ECM2: variants seen among roughly 807,000 people sequenced by gnomAD.
The protein encoded by ECM2 is extracellular matrix protein 2, female organ and adipocyte specific.
Under a neutral mutation model 67.5 loss-of-function variants are expected in ECM2, and 57 were observed. The ratio of observed to expected loss-of-function variants is 0.84; its 90% CI spans 0.68 to 1.05. The LOEUF (loss-of-function observed/expected upper bound fraction) is 1.05, where lower values mean the gene tolerates loss of function less well. Ranked by LOEUF, ECM2 falls within the 50% of genes least tolerant of loss-of-function variation. The pLI is 0.00. For missense variants in ECM2, 741 were observed against 822.8 expected (o/e 0.90, Z 1.22); for synonymous variants, 258 against 294.5 (o/e 0.88, Z 1.27).
Position 92,495,723 on chromosome 9 carries a change from A to G in ECM2, c.*592T>C. 1 of 925,874 alleles carries G rather than the reference A, an allele frequency of 1.1e-6. No individual in the cohort carries two copies. Among genetic ancestry groups the G allele is most frequent in the South Asian group, 5.0e-5 (1 of 19,998 alleles). 57.4% of individuals were successfully genotyped at this position (925,874 alleles called of 1,614,324 possible). A position where few individuals can be genotyped will look rare whatever the true frequency, so the allele number is the denominator to read the frequency against. On this transcript the variant is annotated 3_prime_UTR_variant, in exon 10 of 10. Transcript: ENST00000344604. ...TGTACATAACCATAATATGATTTTC[A>G]AAACCAGGAAATTAACATTACAGTA...
chr9:92,537,036 A>T (rs1250119206), upstream of ECM2, among the ~76,000 whole-genome samples: 1 of 151,340 alleles, frequency 6.6e-6, no homozygotes, highest in African/African-American at 2.4e-5. Context: ...TGCCAGATTA[A>T]TTTTTGTATT....
chr9:92,534,018 G>A (rs1282344422), intron 1 of ECM2, among the ~76,000 whole-genome samples: 1 of 152,002 alleles, frequency 6.6e-6, no homozygotes, highest in African/African-American at 2.4e-5. Flanking sequence ...GCTGTTTAAT[G>A]TATCCTTCTT....
At chr9:92,536,923 G>A (rs1344104983), upstream of ECM2, among the ~76,000 whole-genome samples, 1 of 148,104 alleles carries the variant, frequency 6.8e-6, no homozygotes, top group Non-Finnish European at 1.5e-5. Flanking sequence ...AGGCTAGAGT[G>A]CAATGTCGTG....
chr9:92,533,035 A>G (rs1167929595), intron 1 of ECM2, among the ~76,000 whole-genome samples: 6 of 151,916 alleles, frequency 3.9e-5, no homozygotes, highest in Admixed American at 3.3e-4. Flanking sequence ...GCGGTGGCTC[A>G]AGTCTGTAAT....
At chr9:92,533,303 C>CAAACAA (rs1223222898) in intron 1 of ECM2, among the ~76,000 whole-genome samples, 12 of 29,872 alleles carry the variant, frequency 4.0e-4, no homozygotes, top group Admixed American at 5.8e-4. Flanking sequence ...CGGTCTCAAA[C>CAAACAA]AAAAAAAAAA....
intron 1 of ECM2, among the ~76,000 whole-genome samples, chr9:92,530,525 A>G (rs1848681482): frequency 6.6e-6 from 1 of 152,296 alleles, no homozygotes; most frequent in East Asian, 1.9e-4. Flanking sequence ...CTATTAACCT[A>G]TTTGTTCAAA....
At chr9:92,504,495 G>T (rs539406252) in intron 7 of ECM2, among the ~76,000 whole-genome samples, 16 of 152,268 alleles carry the variant, frequency 1.1e-4, no homozygotes, top group African/African-American at 3.9e-4. Context: ...CTGCCAGTAT[G>T]TATAGACTCT....
chr9:92,493,930 G>T (rs556104845), downstream of ECM2: 8 of 559,774 alleles, frequency 1.4e-5, no homozygotes, highest in African/African-American at 1.5e-4. Flanking sequence ...CACAGGCACC[G>T]GTCTGGATCT....
Position 92,510,030 on chromosome 9 carries a change from A to G in ECM2, c.1175T>C (p.Leu392Pro). The part of the protein sequence containing the change: ...SGIGPKAFKL[L>P]KKLMRLNMDG... ...CATATTCAAACGCATTAACTTCTTCAGAAGCTTAAAAAGCAAATCTCAAAG... is the reference window on the plus strand; with the variant it reads ...CATATTCAAACGCATTAACTTCTTCGGAAGCTTAAAAAGCAAATCTCAAAG... Residue 392 changes from leucine (L) to proline (P), a missense_variant, in exon 6 of 10, where the codon CTG (leucine) becomes CCG (proline). By Grantham distance (98) the Leu-to-Pro change is moderately conservative. Transcript: ENST00000344604. 6.3e-7 allele frequency: 1 copy of G among 1,591,038 alleles called. No homozygotes were observed. Among genetic ancestry groups the G allele is most frequent in the Admixed American group, 1.9e-5 (1 of 51,988 alleles).
At chr9:92,500,593 A>G (rs191625644) in intron 9 of ECM2, 134 bp downstream of exon 9, 1 of 830,762 alleles carries the variant, frequency 1.2e-6, no homozygotes, top group Non-Finnish European at 1.9e-6. Flanking sequence ...ACATTTGCCA[A>G]TCTTGTTTAA....
intron 1 of ECM2, among the ~76,000 whole-genome samples, chr9:92,532,829 T>C (rs553702528): frequency 6.6e-6 from 1 of 152,244 alleles, no homozygotes; most frequent in Admixed American, 6.5e-5. Context: ...GTCTCTTATT[T>C]CTTTAGGTTT....
At chr9:92,535,784 A>G (rs1849133376) in intron 1 of ECM2, 149 bp downstream of exon 1, 1 of 262,826 alleles carries the variant, frequency 3.8e-6, no homozygotes, top group Non-Finnish European at 7.4e-6. Context: ...CGTGAAAAAA[A>G]CAAACAGAAT....
chr9:92,524,292 C>T (rs1182750708), intron 1 of ECM2, among the ~76,000 whole-genome samples: 1 of 152,118 alleles, frequency 6.6e-6, no homozygotes, highest in African/African-American at 2.4e-5. Flanking sequence ...ATTAGCTGGT[C>T]TCAGGGTTAG....
At chr9:92,494,371 T>A (rs1003899675), downstream of ECM2, among the ~76,000 whole-genome samples, 4 of 152,240 alleles carry the variant, frequency 2.6e-5, no homozygotes, top group African/African-American at 9.6e-5. Flanking sequence ...TGTGTAACCC[T>A]ATCTTCTTGT....
chr9:92,541,087 C>A (rs1407324436), upstream of ECM2, among the ~76,000 whole-genome samples: 3 of 151,842 alleles, frequency 2.0e-5, no homozygotes, highest in Non-Finnish European at 4.4e-5. Flanking sequence ...TGGTGAAACC[C>A]CATCTCTACT....
At chr9:92,551,897 C>A in the ECM2 span, among the ~76,000 whole-genome samples, 1 of 135,228 alleles carries the variant, frequency 7.4e-6, no homozygotes. Flanking sequence ...AATGAGTTAA[C>A]AGCATTTGTT....
At chr9:92,537,970 A>G (rs1051328869), upstream of ECM2, among the ~76,000 whole-genome samples, 2 of 152,034 alleles carry the variant, frequency 1.3e-5, no homozygotes, top group South Asian at 2.1e-4. Context: ...TTTTTGGGGG[A>G]AAAAAATGTT....
chr9:92,494,058 C>G, downstream of ECM2: 1 of 1,596,216 alleles, frequency 6.3e-7, no homozygotes, highest in Middle Eastern at 1.7e-4. Flanking sequence ...GCTTACTTGT[C>G]TGTTTGATTT....
chr9:92,522,575 C>G lies in ECM2; in HGVS notation c.292G>C (p.Gly98Arg), dbSNP rs1258016807. Reference protein sequence around the residue: ...GVESSYNVLPGKKGHCLVKGI... With the variant: ...GVESSYNVLPRKKGHCLVKGI... ...TCTCTCTCTCATAGTGTTCTCTTAC[C>G]TGGTAACACATTATAACTTGATTCT... The change falls in exon 2 of 10, where the codon GGA becomes CGA. Residue 98 changes from glycine (G) to arginine (R), a missense_variant and splice_region_variant. Physicochemically the swap from Gly to Arg is moderately radical, Grantham distance 125 (BLOSUM62 -2). Coordinates refer to ENST00000344604, the MANE Select transcript of ECM2 (RefSeq NM_001393.4). 18 of 1,605,502 alleles carry G rather than the reference C, an allele frequency of 1.1e-5. No individual in the cohort carries two copies. In the African/African-American group the frequency reaches 2.3e-4, roughly 20 times the overall value.
Sources: allele counts gnomAD v4.1 joint callset (sites outside exome capture counted in the v4.1 genomes callset), GRCh38; gene constraint gnomAD v4.1.1; transcripts MANE v1.5; gene names NCBI Gene and HGNC (gene_info 2026-07-23, HGNC 2026-07-21).